The following RABGAP1 variants were observed in gnomAD, a reference collection of about 807,000 sequenced individuals.
The protein encoded by RABGAP1 is rab GTPase-activating protein 1.
In RABGAP1, 23 loss-of-function variants were observed where a neutral mutation model predicts 137.6. The ratio of observed to expected loss-of-function variants is 0.17; its 90% CI spans 0.12 to 0.24. RABGAP1 has a LOEUF of 0.24. Among genes scored for constraint, RABGAP1 ranks in the 10% least tolerant of loss-of-function variants. RABGAP1 has a pLI of 1.00. For missense variants in RABGAP1, 906 were observed against 1,275.8 expected (o/e 0.71, Z 4.42); for synonymous variants, 451 against 450.7 (o/e 1.00, Z -0.01).
chr9:123,066,143 A>C (rs2034164229), intron 14 of RABGAP1, among the ~76,000 whole-genome samples: 1 of 152,230 alleles, frequency 6.6e-6, no homozygotes, highest in South Asian at 2.1e-4. Flanking sequence ...GGCATGAGAC[A>C]TGTCGCTAAT....
intron 10 of RABGAP1, among the ~76,000 whole-genome samples, chr9:123,001,736 A>G (rs1048134984): frequency 2.0e-5 from 3 of 152,206 alleles, no homozygotes; most frequent in Admixed American, 6.5e-5. Flanking sequence ...TGGCAGCATA[A>G]TAGAATCTTC....
intron 19 of RABGAP1, 50 bp from the exon 20 acceptor site, chr9:123,089,708 A>C: frequency 6.8e-7 from 1 of 1,473,788 alleles, no homozygotes; most frequent in Admixed American, 1.8e-5. Context: ...GCACTGAAGC[A>C]CCCACTACTT....
At chr9:122,965,385 T>C (rs963138753) in intron 2 of RABGAP1, among the ~76,000 whole-genome samples, 7 of 152,266 alleles carry the variant, frequency 4.6e-5, no homozygotes, top group Admixed American at 2.0e-4. Flanking sequence ...ACAATGTTTG[T>C]ACTAAAAAAA....
At chr9:123,008,938 A>T (rs1444622653) in intron 10 of RABGAP1, among the ~76,000 whole-genome samples, 2 of 152,220 alleles carry the variant, frequency 1.3e-5, no homozygotes, top group Admixed American at 1.3e-4. Context: ...CCTGGACACA[A>T]ATCTATAGGT....
At chr9:122,976,076 C>A (rs1835746437) in intron 2 of RABGAP1, among the ~76,000 whole-genome samples, 1 of 152,100 alleles carries the variant, frequency 6.6e-6, no homozygotes, top group African/African-American at 2.4e-5. Context: ...ACTCTGGGCC[C>A]AGTTTTTTTT....
At chr9:123,045,872 A>G (rs539615576) in intron 13 of RABGAP1, among the ~76,000 whole-genome samples, 3 of 152,294 alleles carry the variant, frequency 2.0e-5, no homozygotes, top group African/African-American at 7.2e-5. Flanking sequence ...TATCACATCT[A>G]AAGTATGTAA....
intron 1 of RABGAP1, among the ~76,000 whole-genome samples, chr9:122,951,850 G>A (rs1234240462): frequency 6.6e-6 from 1 of 152,148 alleles, no homozygotes; most frequent in Non-Finnish European, 1.5e-5. Context: ...TGGGATAATA[G>A]GCATGAGCCA....
intron 19 of RABGAP1, among the ~76,000 whole-genome samples, chr9:123,079,070 C>A (rs1376897011): frequency 6.6e-6 from 1 of 151,756 alleles, no homozygotes; most frequent in African/African-American, 2.4e-5. Context: ...ATTTTCCTCA[C>A]TGAGATATTG....
chr9:122,985,843 T>C (rs978979793), intron 3 of RABGAP1, among the ~76,000 whole-genome samples: 16 of 152,314 alleles, frequency 1.1e-4, no homozygotes, highest in African/African-American at 3.6e-4. Flanking sequence ...CAGATGTTTT[T>C]GGATTTTGGA....
chr9:123,034,416 C>T (rs1401862540), intron 13 of RABGAP1: 1 of 629,828 alleles, frequency 1.6e-6, no homozygotes, highest in Non-Finnish European at 2.8e-6. Context: ...GGCAATGCAC[C>T]AGAGCAGCAG....
intron 12 of RABGAP1, among the ~76,000 whole-genome samples, chr9:123,016,685 C>A (rs2131905908): frequency 6.6e-6 from 1 of 152,298 alleles, no homozygotes; most frequent in East Asian, 1.9e-4. Context: ...GATCTGAACA[C>A]TTCTCTATTT....
intron 13 of RABGAP1, among the ~76,000 whole-genome samples, chr9:123,031,628 T>TTCAGGACTTGGTGAC (rs2032305280): frequency 6.6e-6 from 1 of 152,216 alleles, no homozygotes; most frequent in Non-Finnish European, 1.5e-5. Context: ...GAAATACATT[T>TTCAGGACTTGGTGAC]TCAGGACTTG....
chr9:123,015,765 A>G (rs968077364), intron 12 of RABGAP1, 129 bp downstream of exon 12: 5 of 570,312 alleles, frequency 8.8e-6, no homozygotes, highest in South Asian at 2.6e-5. Flanking sequence ...TCTGTGATCT[A>G]TTTTAGGGAT....
chr9:123,101,494 A>G, intron 24 of RABGAP1, 72 bp from the exon 25 acceptor site: 1 of 1,407,718 alleles, frequency 7.1e-7, no homozygotes, highest in Non-Finnish European at 9.7e-7. Context: ...TGTCCCCCAA[A>G]GGAGATGCTC....
chr9:123,008,921 C>T (rs2030551891), intron 10 of RABGAP1, among the ~76,000 whole-genome samples: 2 of 152,170 alleles, frequency 1.3e-5, no homozygotes, highest in African/African-American at 4.8e-5. Flanking sequence ...AAATCATTTG[C>T]ATATCTCCTG....
the RABGAP1 span, among the ~76,000 whole-genome samples, chr9:122,931,685 C>A: frequency 6.6e-6 from 1 of 152,214 alleles, no homozygotes; most frequent in African/African-American, 2.4e-5. Flanking sequence ...ACGGAGGGCA[C>A]CGTACTCTGG....
At chr9:122,984,149 GTTAT>G (rs1836239541) in intron 2 of RABGAP1, among the ~76,000 whole-genome samples, 1 of 152,100 alleles carries the variant, frequency 6.6e-6, no homozygotes, top group African/African-American at 2.4e-5. Flanking sequence ...TCTTAAAAGC[GTTAT>G]TTCTTATCAG....
intron 2 of RABGAP1, among the ~76,000 whole-genome samples, chr9:122,961,848 A>T (rs1425818229): frequency 6.6e-6 from 1 of 152,168 alleles, no homozygotes; most frequent in East Asian, 1.9e-4. Flanking sequence ...CAATAATAGG[A>T]AAAAGGAGAT....
chr9:123,047,836 G>C (rs2033273794), intron 13 of RABGAP1, among the ~76,000 whole-genome samples: 1 of 149,632 alleles, frequency 6.7e-6, no homozygotes, highest in African/African-American at 2.5e-5. Flanking sequence ...TTACATGACT[G>C]GTATCATTCA....
Sources: gnomAD v4.1 joint callset for allele counts (sites outside exome capture counted in the v4.1 genomes callset) on GRCh38, gnomAD v4.1.1 for gene constraint, MANE v1.5 for transcripts, NCBI Gene and HGNC (gene_info 2026-07-23, HGNC 2026-07-21) for gene names.